The following PTPN14 variants were observed in gnomAD, a reference collection of about 807,000 sequenced individuals.
The protein encoded by PTPN14 is tyrosine-protein phosphatase non-receptor type 14.
PTPN14 carries 53 observed loss-of-function variants against 126.8 expected under a neutral mutation model. The ratio of observed to expected loss-of-function variants is 0.42; its 90% CI spans 0.34 to 0.53. PTPN14 has a LOEUF of 0.53. Ranked by LOEUF, PTPN14 falls within the 20% of genes least tolerant of loss-of-function variation. The pLI is 0.08. For synonymous variants in PTPN14, 630 were observed against 599.3 expected, an observed-to-expected ratio of 1.05 and a Z score of -0.75; for missense variants, 1,257 against 1,552.9, an observed-to-expected ratio of 0.81 and a Z score of 3.20.
chr1:214,537,904 G>A (rs1258598385), intron 1 of PTPN14, among the ~76,000 whole-genome samples: 1 of 152,052 alleles, frequency 6.6e-6, no homozygotes, highest in Non-Finnish European at 1.5e-5. Flanking sequence ...AATTAATTTT[G>A]ACAACAGATT....
At chr1:214,449,897 C>G (rs1476448336) in intron 3 of PTPN14, among the ~76,000 whole-genome samples, 1 of 151,454 alleles carries the variant, frequency 6.6e-6, no homozygotes, top group Non-Finnish European at 1.5e-5. Flanking sequence ...TTTGGGAGGC[C>G]AAGGTAGAAG....
chr1:214,511,059 T>C (rs1164620286), intron 1 of PTPN14, among the ~76,000 whole-genome samples: 1 of 152,058 alleles, frequency 6.6e-6, no homozygotes, highest in Admixed American at 6.6e-5. Flanking sequence ...TTTGGTTTTT[T>C]TTTTTTATTT....
At chr1:214,426,229 A>C (rs931773881) in intron 3 of PTPN14, among the ~76,000 whole-genome samples, 5 of 151,950 alleles carry the variant, frequency 3.3e-5, no homozygotes, top group Non-Finnish European at 7.4e-5. Context: ...AAAATACCAA[A>C]CCAGCAAACA....
intron 3 of PTPN14, among the ~76,000 whole-genome samples, chr1:214,443,223 C>G (rs905161603): frequency 6.6e-6 from 1 of 152,196 alleles, no homozygotes; most frequent in African/African-American, 2.4e-5. Flanking sequence ...AAGTAGGCAT[C>G]TACTGTATAG....
chr1:214,357,080 GC>G lies in PTPN14; in HGVS notation c.*841del, dbSNP rs1171474002. 1 of 152,238 alleles carries G rather than the reference GC, an allele frequency of 6.6e-6. No homozygotes were observed. The highest frequency in any genetic ancestry group is 1.5e-5 in the Non-Finnish European group (1 of 68,100). 9.4% of individuals were successfully genotyped at this position (152,238 alleles called of 1,614,324 possible). A position where few individuals can be genotyped will look rare whatever the true frequency, so the allele number is the denominator to read the frequency against. Reference sequence around the variant, plus strand: ...AGATGGTCTGGTCCAGAGCCTCAATGCCACCAGACAGGGTCCTACTGAGCAA... The same window carrying G: ...AGATGGTCTGGTCCAGAGCCTCAATGCACCAGACAGGGTCCTACTGAGCAA... On this transcript the variant is annotated 3_prime_UTR_variant, in exon 19 of 19. Transcript: ENST00000366956.
At chr1:214,476,711 C>G (rs1351188110) in intron 1 of PTPN14, among the ~76,000 whole-genome samples, 1 of 152,188 alleles carries the variant, frequency 6.6e-6, no homozygotes, top group Non-Finnish European at 1.5e-5. Context: ...ATTTCCATGC[C>G]TAAGCCACTT....
At chr1:214,435,442 G>T (rs773112763) in intron 3 of PTPN14, among the ~76,000 whole-genome samples, 6 of 151,506 alleles carry the variant, frequency 4.0e-5, no homozygotes, top group Non-Finnish European at 7.4e-5. Flanking sequence ...TTTTAAACCA[G>T]AAAGGAAAAA....
At chr1:214,471,031 AAAAAAAAACAAAAC>A (rs1234377290) in intron 1 of PTPN14, among the ~76,000 whole-genome samples, 5 of 138,584 alleles carry the variant, frequency 3.6e-5, no homozygotes, top group African/African-American at 1.3e-4. Flanking sequence ...ATCTCAAAAA[AAAAAAAAACAAAAC>A]AAAAAAACAA....
chr1:214,504,552 A>G lies in PTPN14; in HGVS notation c.-154-39595T>C, dbSNP rs566448177. Among the ~76,000 whole-genome samples, 5 of 152,318 alleles carry G rather than the reference A, an allele frequency of 3.3e-5. No individual in the cohort carries two copies. In the South Asian group the frequency reaches 1.0e-3, roughly 32 times the overall value. ...CAGGAACGGGGCTCTTAGGACCACA[A>G]TGTCCACAGAGGTGATGTCCCAGCC... On this transcript the variant is annotated intron_variant, in intron 1 of 18. Coordinates refer to ENST00000366956, the MANE Select transcript of PTPN14 (RefSeq NM_005401.5).
At chr1:214,523,062 G>A (rs755308094) in intron 1 of PTPN14, among the ~76,000 whole-genome samples, 20 of 152,128 alleles carry the variant, frequency 1.3e-4, no homozygotes, top group Non-Finnish European at 2.2e-4. Context: ...ACTTAGTGAG[G>A]CACCTAAGGT....
chr1:214,383,285 A>C lies in PTPN14; in HGVS notation c.2544+26T>G. The C allele has an allele frequency of 6.3e-7, 1 of 1,592,322 alleles. No homozygotes were observed. Among genetic ancestry groups the C allele is most frequent in the Non-Finnish European group, 8.6e-7 (1 of 1,164,960 alleles). ...GAAGCATGTGCTTTCACACTGGAAA[A>C]TGCCCTGGGAGAGGAGGACACTCAC... On this transcript the variant is annotated intron_variant, in intron 13 of 18. Coordinates refer to ENST00000366956, the MANE Select transcript of PTPN14 (RefSeq NM_005401.5). The surrounding 1 kb of genome is among the most constrained non-coding windows in gnomAD (Gnocchi z 4.4).
At chr1:214,500,567 T>C (rs1252048400) in intron 1 of PTPN14, among the ~76,000 whole-genome samples, 1 of 151,992 alleles carries the variant, frequency 6.6e-6, no homozygotes, top group African/African-American at 2.4e-5. Context: ...GCTCACTGAG[T>C]GAAGTGCTGA....
rs764534058 is a variant in PTPN14 at position 214,391,076 on chromosome 1, T to G, written c.930-31A>C. 6.7e-6 allele frequency: 10 copies of G among 1,494,008 alleles called. No homozygotes were observed. In the Admixed American group the frequency reaches 9.0e-5, roughly 13 times the overall value. 92.5% of individuals were successfully genotyped at this position (1,494,008 alleles called of 1,614,324 possible). A position where few individuals can be genotyped will look rare whatever the true frequency, so the allele number is the denominator to read the frequency against. ...TGAAGAGGTGAAAAAATGAGAATGG[T>G]TATTATTATTGATATAAAAAGACCA... On this transcript the variant is annotated intron_variant, in intron 10 of 18. Transcript: ENST00000366956.
chr1:214,360,797 T>C (rs886977821), intron 18 of PTPN14, among the ~76,000 whole-genome samples: 13 of 152,208 alleles, frequency 8.5e-5, no homozygotes, highest in African/African-American at 3.1e-4. Flanking sequence ...GATACTGATA[T>C]GGTCTTGGCT....
At chr1:214,518,226 T>C (rs907352447) in intron 1 of PTPN14, among the ~76,000 whole-genome samples, 28 of 152,176 alleles carry the variant, frequency 1.8e-4, no homozygotes, top group African/African-American at 6.0e-4. Flanking sequence ...AAACACATCA[T>C]GTAAAAATGT....
At position 214,376,356 on chromosome 1, in the gene PTPN14, T is replaced by C. The variant is rs80056850; in HGVS notation, c.2770A>G (p.Ile924Val). The C allele has an allele frequency of 6.3e-3, 10,169 of 1,614,124 alleles. 315 individuals carry two copies. Among genetic ancestry groups the C allele is most frequent in the African/African-American group, 0.06 (4,469 of 75,044 alleles). Residue 924 changes from isoleucine to valine, a missense_variant, in exon 15 of 19, where the codon ATT (isoleucine) becomes GTT (valine). Around this residue, in one of 3 missense-constraint regions of PTPN14, gnomAD observed 65 missense variants for 139.7 expected, o/e 0.47. Coordinates refer to ENST00000366956, the MANE Select transcript of PTPN14 (RefSeq NM_005401.5). ...TCTGGCAGAGCTGCTGTGCTGAAAATGCCATTCGCCTTTTTCTTTGGAATT... is the reference window on the plus strand; with the variant it reads ...TCTGGCAGAGCTGCTGTGCTGAAAACGCCATTCGCCTTTTTCTTTGGAATT... ...EQIPKKKANG[I>V]FSTAALPENA...
intron 15 of PTPN14, among the ~76,000 whole-genome samples, chr1:214,374,595 G>T (rs7532953): frequency 0.59 from 89,414 of 152,108 alleles, 27,153 homozygotes; most frequent in African/African-American, 0.72. Context: ...TCTCTGTTCT[G>T]TGTTAACGGC....
chr1:214,496,853 T>C (rs1410439914), intron 1 of PTPN14, among the ~76,000 whole-genome samples: 1 of 138,708 alleles, frequency 7.2e-6, no homozygotes, highest in Admixed American at 7.0e-5. Context: ...TTTTCATGAT[T>C]AAACTACAAA....
intron 2 of PTPN14, among the ~76,000 whole-genome samples, chr1:214,455,411 A>C (rs1185208818): frequency 6.6e-6 from 1 of 152,182 alleles, no homozygotes. Context: ...AAATGCCTGA[A>C]ATATCTGTTC....
Sources: allele counts gnomAD v4.1 joint callset (sites outside exome capture counted in the v4.1 genomes callset), GRCh38; gene constraint gnomAD v4.1.1; regional missense constraint gnomAD v4.1.1; non-coding constraint Gnocchi (gnomAD v3.1); transcripts MANE v1.5; gene names NCBI Gene and HGNC (gene_info 2026-07-23, HGNC 2026-07-21).